Variants in CCDC178 observed in about 807,000 individuals in gnomAD.
CCDC178 encodes coiled-coil domain-containing protein 178.
A neutral mutation model predicts 117.4 loss-of-function variants in CCDC178; 126 were observed. The observed-to-expected ratio is 1.07, with a 90% CI of 0.93 to 1.24. CCDC178 has a LOEUF of 1.24. Among genes scored for constraint, CCDC178 ranks in the 50% most tolerant of loss-of-function variants. CCDC178 has a pLI of 0.00. For synonymous variants in CCDC178, 283 were observed against 313.4 expected (o/e 0.90, Z 1.02); for missense variants, 1,030 against 986.9 (o/e 1.04, Z -0.59).
At chr18:33,039,729 G>T (rs28476656) in intron 21 of CCDC178, among the ~76,000 whole-genome samples, 23,032 of 151,842 alleles carry the variant, frequency 0.15, 2,584 homozygotes, top group African/African-American at 0.32. Flanking sequence ...GGTGAAAGAA[G>T]AGAAGGAAAT....
At chr18:33,052,176 T>A (rs769752870) in intron 21 of CCDC178, among the ~76,000 whole-genome samples, 1 of 152,202 alleles carries the variant, frequency 6.6e-6, no homozygotes, top group Non-Finnish European at 1.5e-5. Flanking sequence ...TTTAGGTTCA[T>A]CTATGTTATA....
chr18:33,364,969 G>A (rs1228531680), intron 6 of CCDC178, among the ~76,000 whole-genome samples: 1 of 151,868 alleles, frequency 6.6e-6, no homozygotes, highest in East Asian at 1.9e-4. Flanking sequence ...GTGGGAGTGG[G>A]GATGGCAGAC....
At chr18:33,020,582 GGTGT>G (rs1384904450) in intron 21 of CCDC178, among the ~76,000 whole-genome samples, 1 of 152,108 alleles carries the variant, frequency 6.6e-6, no homozygotes, top group Non-Finnish European at 1.5e-5. Context: ...GAATGTATGT[GGTGT>G]GTGTTTACTT....
intron 2 of CCDC178, among the ~76,000 whole-genome samples, chr18:33,430,434 C>T (rs1184009780): frequency 3.9e-5 from 6 of 152,220 alleles, no homozygotes; most frequent in South Asian, 2.1e-4. Flanking sequence ...CAATATTTGC[C>T]GGCCTCTCTT....
At chr18:33,012,992 A>G (rs2055902642) in intron 21 of CCDC178, among the ~76,000 whole-genome samples, 1 of 152,166 alleles carries the variant, frequency 6.6e-6, no homozygotes, top group Non-Finnish European at 1.5e-5. Flanking sequence ...TAGTTAGAGC[A>G]AACTTGTTTA....
chr18:33,096,568 T>G (rs964374356), intron 20 of CCDC178, among the ~76,000 whole-genome samples: 1 of 151,682 alleles, frequency 6.6e-6, no homozygotes, highest in Non-Finnish European at 1.5e-5. Flanking sequence ...GGATAGTAAA[T>G]CTGTATTGTA....
chr18:33,262,606 G>T (rs551397725), intron 14 of CCDC178, among the ~76,000 whole-genome samples: 5 of 151,880 alleles, frequency 3.3e-5, no homozygotes, highest in Non-Finnish European at 7.4e-5. Context: ...TCACCTGATG[G>T]CCTGCCACAT....
At chr18:33,423,190 T>A (rs2064055302) in intron 2 of CCDC178, among the ~76,000 whole-genome samples, 2 of 152,124 alleles carry the variant, frequency 1.3e-5, no homozygotes, top group Admixed American at 6.6e-5. Context: ...ATAATACAAT[T>A]TAAATTCCTA....
In CCDC178 at chr18:33,028,435, T is replaced by C. The variant is rs188271160; in HGVS notation, c.2389-53754A>G. Among the ~76,000 whole-genome samples, 785 of 151,826 alleles carry C rather than the reference T, an allele frequency of 5.2e-3. 5 individuals carry two copies. The highest frequency in any genetic ancestry group is 5.3e-3 in the Non-Finnish European group (360 of 67,690). On this transcript the variant is annotated intron_variant, in intron 21 of 22. Transcript: ENST00000383096. The stretch of plus-strand genomic sequence containing the variant: ...ATCTAGACTGCATGACTTTCCAGAG[T>C]GGCTACACCATTTTACATTCCAACC...
chr18:32,938,236 A>G (rs1424629249), intron 22 of CCDC178, 145 bp from the exon 23 acceptor site: 1 of 622,130 alleles, frequency 1.6e-6, no homozygotes, highest in Non-Finnish European at 2.9e-6. Flanking sequence ...ATAGGAGACA[A>G]ACAGTATAAA....
At chr18:33,369,402 G>GAA (rs949991814) in intron 6 of CCDC178, among the ~76,000 whole-genome samples, 6 of 147,278 alleles carry the variant, frequency 4.1e-5, no homozygotes, top group Non-Finnish European at 9.0e-5. Flanking sequence ...ACAGTGGAGA[G>GAA]AAAAAAAAAA....
chr18:33,333,195 GTTCTTCAGATC>G lies in CCDC178; in HGVS notation c.847_857del (p.Asp283ProfsTer3). The G allele has an allele frequency of 6.3e-7, 1 of 1,589,070 alleles. No individual in the cohort carries two copies. Among genetic ancestry groups the G allele is most frequent in the Non-Finnish European group, 8.6e-7 (1 of 1,166,918 alleles). On this transcript the variant is annotated frameshift_variant, in exon 10 of 23. Transcript: ENST00000383096. LOFTEE classifies it high-confidence loss of function. The stretch of plus-strand genomic sequence containing the variant: ...TTACCTCCATTTTTTTTTTATAATG[GTTCTTCAGATC>G]TTGAAGTTCCTGATTCTGCTTAGAG...
At chr18:33,042,192 T>A (rs560591081) in intron 21 of CCDC178, among the ~76,000 whole-genome samples, 1 of 151,862 alleles carries the variant, frequency 6.6e-6, no homozygotes, top group East Asian at 1.9e-4. Flanking sequence ...TATACCTTAA[T>A]AATGGAGAAA....
At chr18:32,987,145 T>TA (rs564340659) in intron 21 of CCDC178, among the ~76,000 whole-genome samples, 2 of 151,580 alleles carry the variant, frequency 1.3e-5, no homozygotes, top group South Asian at 4.2e-4. Context: ...TAGAAAGAGG[T>TA]AAAAAATATA....
At chr18:33,419,354 G>A (rs2063991465) in intron 2 of CCDC178, among the ~76,000 whole-genome samples, 1 of 152,144 alleles carries the variant, frequency 6.6e-6, no homozygotes, top group Non-Finnish European at 1.5e-5. Context: ...AGATAACCTA[G>A]GAAATACCAT....
intron 21 of CCDC178, among the ~76,000 whole-genome samples, chr18:33,035,408 C>A (rs73415473): frequency 0.096 from 14,543 of 151,924 alleles, 1,041 homozygotes; most frequent in African/African-American, 0.19. Context: ...CATATATCCA[C>A]ACACACAATG....
intron 20 of CCDC178, among the ~76,000 whole-genome samples, chr18:33,114,426 G>T (rs1380751122): frequency 2.0e-5 from 3 of 152,032 alleles, no homozygotes; most frequent in African/African-American, 7.2e-5. Context: ...TTGAGAAGGG[G>T]AACACTGCAA....
chr18:33,197,625 CAA>C (rs35818550), intron 20 of CCDC178, among the ~76,000 whole-genome samples: 91 of 136,140 alleles, frequency 6.7e-4, no homozygotes, highest in Admixed American at 7.3e-4. Context: ...ATTGCTTTAT[CAA>C]AAAAAAAAAA....
At chr18:33,322,553 G>A (rs2062526633) in intron 11 of CCDC178, among the ~76,000 whole-genome samples, 1 of 151,500 alleles carries the variant, frequency 6.6e-6, no homozygotes, top group African/African-American at 2.4e-5. Context: ...AATTCAACTG[G>A]AAAGCAATAA....
Sources: allele counts gnomAD v4.1 joint callset (sites outside exome capture counted in the v4.1 genomes callset), GRCh38; gene constraint gnomAD v4.1.1; transcripts MANE v1.5; gene names NCBI Gene and HGNC (gene_info 2026-07-23, HGNC 2026-07-21).